The following KCNH7 variants were observed in gnomAD, a reference collection of about 807,000 sequenced individuals.
The protein encoded by KCNH7 is potassium voltage-gated channel subfamily H member 7.
KCNH7 carries 49 observed loss-of-function variants against 120.8 expected under a neutral mutation model. The ratio of observed to expected loss-of-function variants is 0.41; its 90% confidence interval spans 0.32 to 0.51. KCNH7 has a LOEUF of 0.51. Among genes scored for constraint, KCNH7 ranks in the 20% least tolerant of loss-of-function variants. KCNH7 has a pLI of 0.38. For synonymous variants in KCNH7, 547 were observed against 516.1 expected (o/e 1.06, Z -0.81); for missense variants, 1,097 against 1,446.6 (o/e 0.76, Z 3.92).
chr2:162,726,190 A>C (rs1450076968), intron 2 of KCNH7, among the ~76,000 whole-genome samples: 2 of 151,968 alleles, frequency 1.3e-5, no homozygotes, highest in African/African-American at 4.8e-5. Flanking sequence ...CTTTTTATAT[A>C]TTTTAAACAG....
intron 3 of KCNH7, among the ~76,000 whole-genome samples, chr2:162,526,412 C>A (rs1321214640): frequency 1.3e-5 from 2 of 151,870 alleles, no homozygotes. Flanking sequence ...ATTTCCTCGT[C>A]CTAATAAGCC....
At chr2:162,648,316 C>T (rs1183920722) in intron 2 of KCNH7, among the ~76,000 whole-genome samples, 2 of 152,036 alleles carry the variant, frequency 1.3e-5, no homozygotes, top group African/African-American at 4.8e-5. Context: ...CCACACACTT[C>T]CAAACAACCA....
rs572852464 is a variant in KCNH7, at chr2:162,555,937, G to A, written c.308-18857C>T. ...TTTCAGTGTTTTATACTAGCTCAAAGTGTTTAAAAAATAAAATAGAACGCT... is the reference window on the plus strand; with the variant it reads ...TTTCAGTGTTTTATACTAGCTCAAAATGTTTAAAAAATAAAATAGAACGCT... On this transcript the variant is annotated intron_variant, in intron 2 of 15. Transcript: ENST00000332142. Among the ~76,000 whole-genome samples the A allele has an allele frequency of 3.2e-3, 488 of 151,972 alleles. 6 individuals carry two copies. The highest frequency in any genetic ancestry group is 0.011 in the African/African-American group (471 of 41,496).
chr2:162,406,533 T>A (rs1230450959), intron 9 of KCNH7, among the ~76,000 whole-genome samples: 2 of 151,854 alleles, frequency 1.3e-5, no homozygotes, highest in African/African-American at 4.8e-5. Flanking sequence ...CTAGGGAAAT[T>A]TTCTGGGTCA....
chr2:162,554,667 CT>C (rs1692797373), intron 2 of KCNH7, among the ~76,000 whole-genome samples: 1 of 152,146 alleles, frequency 6.6e-6, no homozygotes, highest in Non-Finnish European at 1.5e-5. Flanking sequence ...GTCATCACAT[CT>C]CCTTCCCTCC....
intron 2 of KCNH7, among the ~76,000 whole-genome samples, chr2:162,603,853 T>C (rs535695787): frequency 9.6e-4 from 146 of 152,186 alleles, no homozygotes; most frequent in African/African-American, 3.2e-3. Flanking sequence ...TAATAAACTT[T>C]ACTAGTATTA....
intron 4 of KCNH7, among the ~76,000 whole-genome samples, chr2:162,515,910 C>T (rs936477469): frequency 2.0e-5 from 3 of 151,812 alleles, no homozygotes; most frequent in African/African-American, 7.2e-5. Flanking sequence ...CCTTTCACCT[C>T]TTCTGCCTTC....
intron 2 of KCNH7, among the ~76,000 whole-genome samples, chr2:162,779,740 G>A (rs756897850): frequency 2.0e-5 from 3 of 152,112 alleles, no homozygotes; most frequent in Non-Finnish European, 4.4e-5. Context: ...TACACTGTCT[G>A]AGCCAACCAC....
At chr2:162,640,040 A>T (rs1356734240) in intron 2 of KCNH7, among the ~76,000 whole-genome samples, 3 of 152,186 alleles carry the variant, frequency 2.0e-5, no homozygotes, top group Non-Finnish European at 4.4e-5. Context: ...GCTGATTTTA[A>T]AAAATCAAAT....
chr2:162,551,686 A>C (rs190811988), intron 2 of KCNH7, among the ~76,000 whole-genome samples: 1 of 152,194 alleles, frequency 6.6e-6, no homozygotes, highest in Non-Finnish European at 1.5e-5. Context: ...AATGTATTGC[A>C]CGTATTGGAC....
intron 2 of KCNH7, among the ~76,000 whole-genome samples, chr2:162,565,171 T>C (rs1417575226): frequency 6.6e-6 from 1 of 152,132 alleles, no homozygotes; most frequent in African/African-American, 2.4e-5. Context: ...AGTAATTATT[T>C]TCAACCTTCT....
intron 2 of KCNH7, among the ~76,000 whole-genome samples, chr2:162,577,188 G>A (rs1446104939): frequency 6.6e-6 from 1 of 151,852 alleles, no homozygotes; most frequent in Admixed American, 6.6e-5. Flanking sequence ...TGAAAGTGCT[G>A]GGATTACAGG....
At chr2:162,423,745 T>G (rs1364485344) in intron 8 of KCNH7, among the ~76,000 whole-genome samples, 5 of 152,182 alleles carry the variant, frequency 3.3e-5, no homozygotes, top group Non-Finnish European at 7.4e-5. Flanking sequence ...AAATTCATCA[T>G]GGATTCTAAA....
In KCNH7 at chr2:162,760,290, T is replaced by C. The variant is rs55712601; in HGVS notation, c.307+76247A>G. On this transcript the variant is annotated intron_variant, in intron 2 of 15. Transcript: ENST00000332142. ...AAACAATACTTTGCTCTGACATACA[T>C]TGGTTAAACAGGAAATTAGTTGTCA... Among the ~76,000 whole-genome samples, 569 of 152,228 alleles carry C rather than the reference T, an allele frequency of 3.7e-3. 3 individuals carry two copies. Among genetic ancestry groups the C allele is most frequent in the African/African-American group, 0.013 (548 of 41,574 alleles).
intron 2 of KCNH7, among the ~76,000 whole-genome samples, chr2:162,668,754 T>C (rs180746038): frequency 1.3e-5 from 2 of 152,262 alleles, no homozygotes; most frequent in African/African-American, 4.8e-5. Context: ...ATCTTTACAA[T>C]TTCAAATATT....
intron 2 of KCNH7, among the ~76,000 whole-genome samples, chr2:162,729,410 T>C (rs753556920): frequency 7.2e-6 from 1 of 138,214 alleles, no homozygotes; most frequent in South Asian, 2.1e-4. Flanking sequence ...ATTTTGTTTT[T>C]CTTTTTTTCT....
chr2:162,372,907 C>T (rs1013820721), intron 15 of KCNH7, among the ~76,000 whole-genome samples: 16 of 152,210 alleles, frequency 1.1e-4, no homozygotes, highest in African/African-American at 3.9e-4. Context: ...CTTCTCTTAC[C>T]ATGTTTATCA....
intron 2 of KCNH7, among the ~76,000 whole-genome samples, chr2:162,740,692 C>T (rs1360743356): frequency 6.6e-6 from 1 of 152,162 alleles, no homozygotes; most frequent in Non-Finnish European, 1.5e-5. Context: ...CTCTTAATTC[C>T]TGGCCAGATC....
At position 162,423,364 on chromosome 2, in the gene KCNH7, G is replaced by T. The variant is rs768881822; in HGVS notation, c.2126C>A (p.Thr709Asn). ...RLEEYFQHAW[T>N]YTNGIDMNMV... ...GTTCATGTCAATGCCATTGGTGTAAGTCCATGCGTGCTGGAAATATTCTTC... is the reference window on the plus strand; with the variant it reads ...GTTCATGTCAATGCCATTGGTGTAATTCCATGCGTGCTGGAAATATTCTTC... Residue 709 changes from threonine to asparagine, a missense_variant, in exon 9 of 16, where the codon ACT (threonine) becomes AAT (asparagine). Thr to Asn is a moderately conservative substitution (Grantham distance 65). Around this residue, in one of 8 missense-constraint regions of KCNH7, gnomAD observed 101 missense variants for 176.3 expected, o/e 0.57. Coordinates refer to ENST00000332142, the MANE Select transcript of KCNH7 (RefSeq NM_033272.4). The T allele has an allele frequency of 3.7e-6, 6 of 1,614,048 alleles. No individual in the cohort carries two copies. In the Admixed American group the frequency reaches 1.0e-4, roughly 27 times the overall value.
Sources: gnomAD v4.1 joint callset for allele counts (sites outside exome capture counted in the v4.1 genomes callset) on GRCh38, gnomAD v4.1.1 for gene constraint, gnomAD v4.1.1 regional missense constraint, MANE v1.5 for transcripts, NCBI Gene and HGNC (gene_info 2026-07-23, HGNC 2026-07-21) for gene names.